The following RIPOR2 variants were observed in gnomAD, a reference collection of about 807,000 sequenced individuals.
RIPOR2 encodes the protein RHO family interacting cell polarization regulator 2.
RIPOR2 carries 39 observed loss-of-function variants against 114.5 expected under a neutral mutation model. The ratio of observed to expected loss-of-function variants is 0.34; its 90% CI spans 0.26 to 0.44. The LOEUF (loss-of-function observed/expected upper bound fraction) is 0.44, where lower values mean the gene tolerates loss of function less well. Ranked by LOEUF, RIPOR2 falls within the 20% of genes least tolerant of loss-of-function variation. The pLI is 1.00. For synonymous variants in RIPOR2, 445 were observed against 484.4 expected, an observed-to-expected ratio of 0.92 and a Z score of 1.07; for missense variants, 1,007 against 1,255.1, an observed-to-expected ratio of 0.80 and a Z score of 2.99.
At chr6:24,856,909 C>T (rs555805818) in intron 8 of RIPOR2, among the ~76,000 whole-genome samples, 1 of 150,806 alleles carries the variant, frequency 6.6e-6, no homozygotes. Context: ...TTTTTCCCCC[C>T]CCTTTAAAAT....
At chr6:25,029,282 A>C (rs1776782860) in intron 1 of RIPOR2, among the ~76,000 whole-genome samples, 1 of 151,170 alleles carries the variant, frequency 6.6e-6, no homozygotes, top group Admixed American at 6.6e-5. Flanking sequence ...GCAAGACTCC[A>C]TCCCAGCTAC....
chr6:24,993,104 T>C (rs565319075), intron 1 of RIPOR2, among the ~76,000 whole-genome samples: 440 of 152,382 alleles, frequency 2.9e-3, no homozygotes, highest in Non-Finnish European at 4.9e-3. Context: ...TCAGCATTTC[T>C]AATTGTGTTT....
chr6:24,882,323 A>AGAATCCTG (rs1766428101), intron 1 of RIPOR2, among the ~76,000 whole-genome samples: 1 of 152,258 alleles, frequency 6.6e-6, no homozygotes, highest in African/African-American at 2.4e-5. Context: ...TATTAAAGTA[A>AGAATCCTG]GAATCCTGGT....
At chr6:24,840,153 G>A in intron 13 of RIPOR2, 1 of 842,000 alleles carries the variant, frequency 1.2e-6, no homozygotes, top group Non-Finnish European at 1.4e-6. Context: ...GTCTCCCTAT[G>A]TTGACCATAC....
chr6:24,826,007 A>G (rs1181224307), intron 18 of RIPOR2, among the ~76,000 whole-genome samples: 1 of 144,356 alleles, frequency 6.9e-6, no homozygotes, highest in Non-Finnish European at 1.5e-5. Flanking sequence ...GTTCACTGCA[A>G]CCTCCACCTC....
At chr6:24,865,805 TAAATAAGTATTAAAC>T (rs567939549) in intron 6 of RIPOR2, among the ~76,000 whole-genome samples, 2 of 152,066 alleles carry the variant, frequency 1.3e-5, no homozygotes, top group Admixed American at 6.5e-5. Context: ...CTGTAAGTAT[TAAATAAGTATTAAAC>T]AAATAAGTAT....
intron 17 of RIPOR2, among the ~76,000 whole-genome samples, 162 bp downstream of exon 17, chr6:24,830,347 T>C (rs1263421647): frequency 6.6e-6 from 1 of 152,188 alleles, no homozygotes; most frequent in Non-Finnish European, 1.5e-5. Flanking sequence ...TCTGAGTAGA[T>C]GATGTTTTCC....
intron 1 of RIPOR2, among the ~76,000 whole-genome samples, chr6:24,954,457 T>C (rs150258489): frequency 9.3e-6 from 1 of 107,450 alleles, no homozygotes; most frequent in Non-Finnish European, 1.8e-5. Flanking sequence ...CTCTCTCTCC[T>C]TTTTTTTTTT....
At position 24,828,219 on chromosome 6, in the gene RIPOR2, G is replaced by A. The variant is rs1228897415; in HGVS notation, c.2583C>T (p.Val861=). 17 of 1,551,454 alleles carry A rather than the reference G, an allele frequency of 1.1e-5. No individual in the cohort carries two copies. In the Admixed American group the frequency reaches 3.3e-4, roughly 30 times the overall value. ...AGTAACTGTAATACTGGAAAACAGTGACGACTTCCGAGGACAGGCTGGAGG... is the reference window on the plus strand; with the variant it reads ...AGTAACTGTAATACTGGAAAACAGTAACGACTTCCGAGGACAGGCTGGAGG... The part of the protein sequence containing the change: ...LLSSSLSSEV[V]TVFQYYSYFT... Residue 861 remains valine, a synonymous_variant, in exon 18 of 22, where the codon GTC becomes GTT. Transcript: ENST00000643898.
intron 1 of RIPOR2, among the ~76,000 whole-genome samples, chr6:25,002,197 G>C (rs1045627089): frequency 3.3e-5 from 5 of 152,226 alleles, no homozygotes; most frequent in African/African-American, 1.2e-4. Context: ...GGTATGACTA[G>C]AGCATTCAGT....
intron 1 of RIPOR2, among the ~76,000 whole-genome samples, chr6:24,904,526 T>C (rs1768775374): frequency 6.6e-6 from 1 of 152,262 alleles, no homozygotes; most frequent in South Asian, 2.1e-4. Flanking sequence ...TAATCACATC[T>C]GCAAAGTCCC....
chr6:24,885,142 T>C (rs1766707070), intron 1 of RIPOR2, among the ~76,000 whole-genome samples: 2 of 152,214 alleles, frequency 1.3e-5, no homozygotes, highest in African/African-American at 2.4e-5. Flanking sequence ...AACATGAGTA[T>C]ACATAAAGCG....
Position 24,830,584 on chromosome 6 carries a change from C to T in RIPOR2, c.2431G>A (p.Asp811Asn). The T allele has an allele frequency of 6.4e-7, 1 of 1,551,556 alleles. No individual in the cohort carries two copies. The highest frequency in any genetic ancestry group is 8.7e-7 in the Non-Finnish European group (1 of 1,146,982). The change falls in exon 17 of 22, where the codon GAC (aspartate) becomes AAC (asparagine). Residue 811 changes from aspartate to asparagine, a missense_variant. Transcript: ENST00000643898. Reference sequence around the variant, plus strand: ...GCCTCCAGCTGCTTCATCACTCTGTCCGCTGGGCTGTGGTAGACACCAACA... The same window carrying T: ...GCCTCCAGCTGCTTCATCACTCTGTTCGCTGGGCTGTGGTAGACACCAACA... The part of the protein sequence containing the change: ...SPVGVYHSPA[D>N]RVMKQLEASF...
rs574477377 is a variant in RIPOR2 at position 24,877,284 on chromosome 6, G to A, written c.62-1467C>T. 1.9e-5 allele frequency: 19 copies of A among 985,384 alleles called. No individual in the cohort carries two copies. The South Asian group carries it at 7.0e-4, about 37-fold the overall frequency. The allele number at this position is 985,384 out of a possible 1,614,324, so 61.0% of individuals were successfully genotyped here. A position where few individuals can be genotyped will look rare whatever the true frequency, so the allele number is the denominator to read the frequency against. On this transcript the variant is annotated intron_variant, in intron 1 of 21. Transcript: ENST00000643898. ...GACAAACAGCCTCCTCCCCCATGTT[G>A]CTGCAGGTTTTTAAATCCCCTCCCT...
chr6:24,924,230 C>T (rs776207307), intron 1 of RIPOR2, among the ~76,000 whole-genome samples: 1 of 152,140 alleles, frequency 6.6e-6, no homozygotes, highest in Non-Finnish European at 1.5e-5. Flanking sequence ...AGGCCTGGCA[C>T]CATCACTCCT....
intron 1 of RIPOR2, among the ~76,000 whole-genome samples, chr6:25,016,161 G>C (rs550370219): frequency 6.6e-6 from 1 of 151,774 alleles, no homozygotes; most frequent in Non-Finnish European, 1.5e-5. Context: ...CCCGCCTCGG[G>C]CTCCCAAAGT....
intron 1 of RIPOR2, among the ~76,000 whole-genome samples, chr6:24,945,350 A>G (rs1390848043): frequency 1.3e-5 from 2 of 152,204 alleles, no homozygotes; most frequent in African/African-American, 4.8e-5. Flanking sequence ...TTTGCCTTGT[A>G]AGAAATGCTA....
Position 24,915,558 on chromosome 6 carries a change from T to C in RIPOR2, c.61+20280A>G, listed in dbSNP as rs184238982. ...TTTTGTATTTTTAGTAGAGATGGGGTTTCACCAGGTTGGCCAGGCTGGTCT... is the reference window on the plus strand; with the variant it reads ...TTTTGTATTTTTAGTAGAGATGGGGCTTCACCAGGTTGGCCAGGCTGGTCT... On this transcript the variant is annotated intron_variant, in intron 1 of 21. Coordinates refer to ENST00000643898, the MANE Select transcript of RIPOR2 (RefSeq NM_001286445.3). Among the ~76,000 whole-genome samples, 13 of 152,216 alleles carry C rather than the reference T, an allele frequency of 8.5e-5. No homozygotes were observed. In the East Asian group the frequency reaches 2.5e-3, roughly 29 times the overall value.
Position 25,030,307 on chromosome 6 carries a change from A to T in RIPOR2, c.76+11544T>A, listed in dbSNP as rs530156509. Among the ~76,000 whole-genome samples, 3 of 152,244 alleles carry T rather than the reference A, an allele frequency of 2.0e-5. No individual in the cohort carries two copies. In the East Asian group the frequency reaches 5.8e-4, roughly 29 times the overall value. On this transcript the variant is annotated intron_variant, in intron 1 of 13. Coordinates refer to the RIPOR2 transcript ENST00000510784. ...AACTGTCCCTTCGTAGTTGCCACTG[A>T]TGATATTCCCAGGGTACACATGAGG... is the stretch of plus-strand genomic sequence containing the variant.
Sources: gnomAD v4.1 joint callset for allele counts (sites outside exome capture counted in the v4.1 genomes callset) on GRCh38, gnomAD v4.1.1 for gene constraint, MANE v1.5 for transcripts, NCBI Gene and HGNC (gene_info 2026-07-23, HGNC 2026-07-21) for gene names.